Variants in DEFB134 observed in about 807,000 individuals in gnomAD.
The protein encoded by DEFB134 is beta-defensin 134.
DEFB134 carries 7 observed loss-of-function variants against 7.4 expected under a neutral mutation model. The observed-to-expected ratio is 0.95, with a 90% CI of 0.54 to 1.79. The LOEUF is 1.79. DEFB134 is among the 40% of genes most tolerant of loss of function. The probability of loss-of-function intolerance (pLI) is 0.00; values close to 1 mark genes in which losing one functional copy is unlikely to be tolerated. For synonymous variants in DEFB134, 33 were observed against 25.0 expected (o/e 1.32, Z -0.96); for missense variants, 105 against 74.8 (o/e 1.40, Z -1.49).
chr8:11,996,780 C>A (rs535075028), upstream of DEFB134, among the ~76,000 whole-genome samples: 2 of 152,142 alleles, frequency 1.3e-5, no homozygotes, highest in South Asian at 4.2e-4. Flanking sequence ...AATTAGGTAT[C>A]CTGCTTTTGT....
upstream of DEFB134, among the ~76,000 whole-genome samples, chr8:12,000,564 T>C (rs1800243739): frequency 6.6e-6 from 1 of 152,188 alleles, no homozygotes; most frequent in Non-Finnish European, 1.5e-5. Flanking sequence ...CATGCAGACC[T>C]ATGATAAAGT....
upstream of DEFB134, chr8:11,999,414 T>C: frequency 5.8e-6 from 1 of 172,520 alleles, no homozygotes; most frequent in Admixed American, 5.4e-5. Context: ...AATAAAGCAA[T>C]ATACTTTTAT....
At chr8:11,998,600 C>T (rs757147079), upstream of DEFB134, among the ~76,000 whole-genome samples, 50 of 151,878 alleles carry the variant, frequency 3.3e-4, no homozygotes, top group Non-Finnish European at 3.1e-4. Flanking sequence ...TTAGAGAGAT[C>T]TCAAATTAAG....
At chr8:11,996,713 T>G (rs1036389032), upstream of DEFB134, among the ~76,000 whole-genome samples, 2 of 152,238 alleles carry the variant, frequency 1.3e-5, no homozygotes, top group Non-Finnish European at 2.9e-5. Flanking sequence ...AAGTTTCATT[T>G]ATGCCTAGTT....
chr8:11,994,946 T>G (rs938897160), intron 1 of DEFB134, among the ~76,000 whole-genome samples: 1 of 152,194 alleles, frequency 6.6e-6, no homozygotes, highest in Non-Finnish European at 1.5e-5. Flanking sequence ...TGAAATCAAT[T>G]CTGAAGATTT....
chr8:11,994,193 A>C (rs1012010843), intron 1 of DEFB134, 71 bp from the exon 3 acceptor site: 5 of 1,504,728 alleles, frequency 3.3e-6, no homozygotes, highest in Non-Finnish European at 4.5e-6. Context: ...TAGTCCCTCA[A>C]TTTTTATCCA....
chr8:11,999,411 C>T (rs1160836438), upstream of DEFB134: 1 of 176,734 alleles, frequency 5.7e-6, no homozygotes, highest in Admixed American at 5.2e-5. Flanking sequence ...AATAATAAAG[C>T]AATATACTTT....
intron 1 of DEFB134, 24 bp downstream of exon 2, chr8:11,996,170 C>T (rs751040237): frequency 4.3e-6 from 7 of 1,612,766 alleles, no homozygotes; most frequent in Admixed American, 3.3e-5. Flanking sequence ...AGCACCCCTA[C>T]CCCCCAAAAT....
chr8:11,993,843 G>T, exon 2 of DEFB134: 1 of 1,175,246 alleles, frequency 8.5e-7, no homozygotes, highest in Non-Finnish European at 1.2e-6. Flanking sequence ...ACAAGAGTCT[G>T]CTGGCCTATA....
upstream of DEFB134, among the ~76,000 whole-genome samples, chr8:11,997,298 A>G (rs141800623): frequency 4.3e-3 from 650 of 152,284 alleles, 5 homozygotes; most frequent in African/African-American, 0.014. Flanking sequence ...CTATACATCT[A>G]TGTGTTTATC....
At chr8:11,995,156 C>A (rs993573314) in intron 1 of DEFB134, among the ~76,000 whole-genome samples, 12 of 152,090 alleles carry the variant, frequency 7.9e-5, no homozygotes, top group Non-Finnish European at 1.5e-4. Context: ...TAAAATGAGA[C>A]AAGAACTTTC....
exon 1 of DEFB134, chr8:11,996,242 G>A (rs761324367): frequency 6.2e-7 from 1 of 1,613,730 alleles, no homozygotes; most frequent in South Asian, 1.1e-5. Context: ...ACAACAAGGA[G>A]AGGCTTCATG....
chr8:11,999,814 A>G (rs1388914169), upstream of DEFB134, among the ~76,000 whole-genome samples: 1 of 152,200 alleles, frequency 6.6e-6, no homozygotes, highest in African/African-American at 2.4e-5. Context: ...TGTGCGCATC[A>G]TTTGAAAACA....
At chr8:11,993,750 G>A (rs1800040535) in exon 2 of DEFB134, 2 of 456,030 alleles carry the variant, frequency 4.4e-6, no homozygotes, top group Admixed American at 4.1e-5. Context: ...ACGTTGAGGT[G>A]AGAAAATATC....
rs775641336 is a variant in DEFB134, at chr8:11,995,269, G to A, written c.58+925C>T. ...GGCCACAAATCCATTGCCATAAACC[G>A]TAATGGAATTGGTTGCATCAGCAGC... On this transcript the variant is annotated intron_variant, in intron 1 of 1. Transcript: ENST00000526438. Among the ~76,000 whole-genome samples the A allele has an allele frequency of 3.9e-5, 6 of 152,314 alleles. No individual in the cohort carries two copies. In the South Asian group the frequency reaches 6.2e-4, roughly 16 times the overall value.
At chr8:11,993,223 T>C (rs1800024166) in exon 2 of DEFB134, 1 of 152,214 alleles carries the variant, frequency 6.6e-6, no homozygotes, top group South Asian at 2.1e-4. Context: ...AAGATCAGCA[T>C]GGTGTTAGCT....
upstream of DEFB134, among the ~76,000 whole-genome samples, chr8:12,000,544 T>G (rs939726275): frequency 6.6e-6 from 1 of 152,228 alleles, no homozygotes; most frequent in African/African-American, 2.4e-5. Flanking sequence ...TACAGTGCTT[T>G]TTTTCTATAC....
At chr8:11,998,489 G>C (rs946842408), upstream of DEFB134, among the ~76,000 whole-genome samples, 1 of 151,916 alleles carries the variant, frequency 6.6e-6, no homozygotes, top group Non-Finnish European at 1.5e-5. Flanking sequence ...GACGTTCATT[G>C]AAACTGATGA....
chr8:11,997,791 T>C (rs1172607233), upstream of DEFB134, among the ~76,000 whole-genome samples: 5 of 152,308 alleles, frequency 3.3e-5, no homozygotes, highest in African/African-American at 1.2e-4. Context: ...GACACCCCAC[T>C]GACAGTGTTA....
Sources: allele counts gnomAD v4.1 joint callset (sites outside exome capture counted in the v4.1 genomes callset), GRCh38; gene constraint gnomAD v4.1.1; transcripts MANE v1.5; gene names NCBI Gene and HGNC (gene_info 2026-07-23, HGNC 2026-07-21).